GAD2: variants seen among roughly 807,000 people sequenced by gnomAD.
GAD2 encodes the protein 65 kDa glutamic acid decarboxylase.
GAD2 carries 22 observed loss-of-function variants against 80.1 expected under a neutral mutation model. The observed-to-expected ratio is 0.27, with a 90% confidence interval of 0.20 to 0.39. The LOEUF (loss-of-function observed/expected upper bound fraction) is 0.39. Among genes scored for constraint, GAD2 ranks in the 10% least tolerant of loss-of-function variants. GAD2 has a pLI of 1.00. For synonymous variants in GAD2, 274 were observed against 256.9 expected (o/e 1.07, Z -0.64); for missense variants, 624 against 738.4 (o/e 0.85, Z 1.80).
chr10:26,224,614 C>T lies in GAD2; in HGVS notation c.687C>T (p.Gly229=). ...TAAAGAAAATGAGAGAAATCATTGG[C>T]TGGCCAGGGGGCTCTGGCGATGGGA... ...VTLKKMREII[G]WPGGSGDGIF... Residue 229 remains glycine (G), a synonymous_variant, in exon 6 of 16, where the codon GGC becomes GGT. Coordinates refer to ENST00000376261, the MANE Select transcript of GAD2 (RefSeq NM_001134366.2). The T allele has an allele frequency of 6.2e-7, 1 of 1,613,800 alleles. No homozygotes were observed.
chr10:26,255,046 T>C (rs1844927502), intron 8 of GAD2, among the ~76,000 whole-genome samples: 1 of 152,036 alleles, frequency 6.6e-6, no homozygotes, highest in Non-Finnish European at 1.5e-5. Context: ...CAGGTGGAAG[T>C]ATGGGCCTGG....
intron 6 of GAD2, among the ~76,000 whole-genome samples, chr10:26,226,601 T>C (rs1844529731): frequency 1.3e-5 from 2 of 152,190 alleles, no homozygotes; most frequent in South Asian, 4.1e-4. Context: ...GCAACCAGCC[T>C]TGCTCCTGCA....
chr10:26,293,112 G>A lies in GAD2; in HGVS notation c.1584+121G>A, dbSNP rs538830117. 46 of 707,490 alleles carry A rather than the reference G, an allele frequency of 6.5e-5. 1 individual carries two copies. The highest frequency in any genetic ancestry group is 3.1e-4 in the East Asian group (12 of 39,254). 43.8% of individuals were successfully genotyped at this position (707,490 alleles called of 1,614,324 possible). ...TACCTGGGTACATGGGCCCATTCCC[G>A]TCTGTGGACTCCTACAGAGCCAGGA... On this transcript the variant is annotated intron_variant, in intron 15 of 15. Coordinates refer to ENST00000376261, the MANE Select transcript of GAD2 (RefSeq NM_001134366.2).
chr10:26,218,669 C>T (rs1315839477), intron 3 of GAD2, among the ~76,000 whole-genome samples: 1 of 151,678 alleles, frequency 6.6e-6, no homozygotes, highest in East Asian at 1.9e-4. Context: ...CGAAGGCATT[C>T]GAGACAAACA....
chr10:26,231,558 G>A (rs8190645), intron 7 of GAD2, among the ~76,000 whole-genome samples: 8,294 of 152,232 alleles, frequency 0.054, 299 homozygotes, highest in South Asian at 0.13. Flanking sequence ...CTTCTTCAAC[G>A]TATAGGGGTC....
intron 7 of GAD2, among the ~76,000 whole-genome samples, chr10:26,230,690 C>G (rs914284639): frequency 6.6e-6 from 1 of 152,150 alleles, no homozygotes; most frequent in Non-Finnish European, 1.5e-5. Flanking sequence ...CCACCTCGGC[C>G]TCCCAAAGTG....
intron 7 of GAD2, among the ~76,000 whole-genome samples, chr10:26,234,899 ATCTC>A (rs1844652409): frequency 6.6e-6 from 1 of 151,720 alleles, no homozygotes; most frequent in Non-Finnish European, 1.5e-5. Flanking sequence ...TTGAGATGGA[ATCTC>A]TCTCTGTTAC....
chr10:26,227,247 T>C (rs1015460420), intron 6 of GAD2, among the ~76,000 whole-genome samples: 5 of 152,148 alleles, frequency 3.3e-5, no homozygotes. Flanking sequence ...CCCACCTCAG[T>C]CTCCCAAAGT....
At chr10:26,233,448 C>A (rs111801748) in intron 7 of GAD2, among the ~76,000 whole-genome samples, 42 of 152,178 alleles carry the variant, frequency 2.8e-4, no homozygotes, top group African/African-American at 1.0e-3. Flanking sequence ...TTAAAGCCGT[C>A]CTGCATCTTC....
chr10:26,269,839 T>C (rs1845113143), intron 9 of GAD2, among the ~76,000 whole-genome samples: 1 of 152,230 alleles, frequency 6.6e-6, no homozygotes, highest in Admixed American at 6.5e-5. Context: ...TATGCCCTTT[T>C]TCGTTTGGTT....
intron 7 of GAD2, among the ~76,000 whole-genome samples, chr10:26,238,282 A>G (rs1346891274): frequency 6.6e-6 from 1 of 152,214 alleles, no homozygotes; most frequent in Non-Finnish European, 1.5e-5. Context: ...TGAGCAAATC[A>G]TGGCTCAGCA....
At chr10:26,284,813 C>T (rs544285703) in intron 12 of GAD2, among the ~76,000 whole-genome samples, 11 of 152,240 alleles carry the variant, frequency 7.2e-5, no homozygotes, top group Admixed American at 6.5e-4. Context: ...TTGTGATCCA[C>T]CCGCCTCGGC....
At chr10:26,255,689 A>G (rs191012670) in intron 8 of GAD2, among the ~76,000 whole-genome samples, 21 of 151,764 alleles carry the variant, frequency 1.4e-4, no homozygotes, top group African/African-American at 5.1e-4. Flanking sequence ...AAGCAAGGAA[A>G]GAAGGAATGA....
rs60636223 is a variant in GAD2, at chr10:26,232,469, C to CTT, written c.840+2714_840+2715dup. On this transcript the variant is annotated intron_variant, in intron 7 of 15. Coordinates refer to ENST00000376261, the MANE Select transcript of GAD2 (RefSeq NM_001134366.2). The stretch of plus-strand genomic sequence containing the variant: ...TTCCTGATACTGTAAACTCAGTCTA[C>CTT]TTTTTTTTTTTTTTTTTTTTTTTGA... Among the ~76,000 whole-genome samples the CTT allele has an allele frequency of 9.7e-3, 980 of 101,224 alleles. 8 individuals carry two copies. Among genetic ancestry groups the CTT allele is most frequent in the Non-Finnish European group, 0.016 (758 of 48,558 alleles). The allele number at this position is 101,224 out of a possible 152,430, so 66.4% of individuals were successfully genotyped here.
At chr10:26,255,251 A>C (rs979515036) in intron 8 of GAD2, among the ~76,000 whole-genome samples, 3 of 152,368 alleles carry the variant, frequency 2.0e-5, no homozygotes, top group African/African-American at 4.8e-5. Context: ...AGGAGTGGTC[A>C]GCTGAATCAA....
In GAD2 at chr10:26,301,350, A is replaced by G. The variant is rs1834327857; in HGVS notation, c.*389A>G. 2.6e-5 allele frequency: 4 copies of G among 154,192 alleles called. No individual in the cohort carries two copies. The highest frequency in any genetic ancestry group is 5.8e-5 in the Non-Finnish European group (4 of 69,346). The allele number at this position is 154,192 out of a possible 1,614,324, so 9.6% of individuals were successfully genotyped here. A position where few individuals can be genotyped will look rare whatever the true frequency, so the allele number is the denominator to read the frequency against. On this transcript the variant is annotated 3_prime_UTR_variant, in exon 16 of 16. Transcript: ENST00000376261. Reference sequence around the variant, plus strand: ...GCAGTAAAAAGGACAAAGTAAATATAAAATATATGTTGACAATAAAAACTC... The same window carrying G: ...GCAGTAAAAAGGACAAAGTAAATATGAAATATATGTTGACAATAAAAACTC...
chr10:26,299,655 C>T (rs996545611), intron 15 of GAD2, among the ~76,000 whole-genome samples: 3 of 152,172 alleles, frequency 2.0e-5, no homozygotes, highest in African/African-American at 7.2e-5. Context: ...ACTGTGTCTG[C>T]CCTCCAGGAC....
chr10:26,283,581 T>C (rs1050689827), intron 12 of GAD2, among the ~76,000 whole-genome samples: 1 of 152,130 alleles, frequency 6.6e-6, no homozygotes, highest in Non-Finnish European at 1.5e-5. Flanking sequence ...CATGAGAAGG[T>C]GGTGGTCTCC....
intron 10 of GAD2, 97 bp from the exon 11 acceptor site, chr10:26,273,539 C>A: frequency 1.0e-6 from 1 of 998,416 alleles, no homozygotes; most frequent in Non-Finnish European, 1.6e-6. Flanking sequence ...CCTAAGTGGC[C>A]TGGGGTCAAG....
Sources: gnomAD v4.1 joint callset for allele counts (sites outside exome capture counted in the v4.1 genomes callset) on GRCh38, gnomAD v4.1.1 for gene constraint, MANE v1.5 for transcripts, NCBI Gene and HGNC (gene_info 2026-07-23, HGNC 2026-07-21) for gene names.